The following TMCO1 variants were observed in gnomAD, a reference collection of about 807,000 sequenced individuals.
TMCO1 encodes calcium load-activated calcium channel.
TMCO1 carries 29 observed loss-of-function variants against 29.3 expected under a neutral mutation model. The ratio of observed to expected loss-of-function variants is 0.99; its 90% CI spans 0.74 to 1.35. TMCO1 has a LOEUF of 1.35. Among genes scored for constraint, TMCO1 ranks in the 40% most tolerant of loss-of-function variants. TMCO1 has a pLI of 0.00. For synonymous variants in TMCO1, 80 were observed against 77.1 expected, an observed-to-expected ratio of 1.04 and a Z score of -0.20; for missense variants, 173 against 225.5, an observed-to-expected ratio of 0.77 and a Z score of 1.49.
At chr1:165,759,710 A>T in intron 2 of TMCO1, 126 bp from the exon 3 acceptor site, 1 of 757,046 alleles carries the variant, frequency 1.3e-6, no homozygotes, top group Non-Finnish European at 2.3e-6. Context: ...GATTATGGTC[A>T]TGATTAAGTT....
intron 3 of TMCO1, among the ~76,000 whole-genome samples, chr1:165,756,081 G>A (rs1380045227): frequency 4.6e-5 from 7 of 151,872 alleles, no homozygotes; most frequent in Admixed American, 3.9e-4. Context: ...TAGACTCCTG[G>A]GTCCCACATC....
intron 6 of TMCO1, among the ~76,000 whole-genome samples, chr1:165,741,113 A>C (rs1651577960): frequency 1.3e-5 from 2 of 151,804 alleles, no homozygotes; most frequent in African/African-American, 2.4e-5. Context: ...TAACCAACAT[A>C]CTCTTCTTTC....
chr1:165,747,489 A>G (rs1233225972), intron 5 of TMCO1, among the ~76,000 whole-genome samples: 1 of 152,208 alleles, frequency 6.6e-6, no homozygotes, highest in East Asian at 1.9e-4. Flanking sequence ...ATTTCAGACA[A>G]AACTCAGAAG....
Position 165,726,971 on chromosome 1 carries a change from G to C in TMCO1, c.*1052C>G, listed in dbSNP as rs1259510695. ...ACAATGATTACCTTGAAAATTATGT[G>C]TTTTTTCTCACTGGTAGAATACTCA... On this transcript the variant is annotated 3_prime_UTR_variant, in exon 7 of 7. Coordinates refer to ENST00000367881, the MANE Select transcript of TMCO1 (RefSeq NM_019026.6). The C allele has an allele frequency of 4.4e-6, 2 of 454,018 alleles. No individual in the cohort carries two copies. The highest frequency in any genetic ancestry group is 8.8e-6 in the Non-Finnish European group (2 of 226,754). 28.1% of individuals were successfully genotyped at this position (454,018 alleles called of 1,614,324 possible). A position where few individuals can be genotyped will look rare whatever the true frequency, so the allele number is the denominator to read the frequency against.
intron 6 of TMCO1, among the ~76,000 whole-genome samples, chr1:165,730,973 C>T (rs113328628): frequency 0.013 from 2,036 of 151,892 alleles, 54 homozygotes; most frequent in African/African-American, 0.047. Context: ...GATCTTGGCT[C>T]ACTGCAACCT....
chr1:165,728,260 C>CT lies in TMCO1; in HGVS notation c.469-140dup, dbSNP rs397967679. 0.082 allele frequency: 35,729 copies of CT among 436,994 alleles called. 73 individuals are homozygous for CT. Among genetic ancestry groups the CT allele is most frequent in the South Asian group, 0.098 (4,825 of 49,036 alleles). 27.1% of individuals were successfully genotyped at this position (436,994 alleles called of 1,614,324 possible). Reference sequence around the variant, plus strand: ...ATGACCTGCAATAGGATGATTATCACTTTTTTTTTTTTTTGAGATGGAGTC... The same window carrying CT: ...ATGACCTGCAATAGGATGATTATCACTTTTTTTTTTTTTTTGAGATGGAGTC... On this transcript the variant is annotated intron_variant, in intron 6 of 6. Coordinates refer to ENST00000367881, the MANE Select transcript of TMCO1 (RefSeq NM_019026.6).
chr1:165,768,548 A>T, intron 1 of TMCO1, 134 bp downstream of exon 1: 1 of 1,566,236 alleles, frequency 6.4e-7, no homozygotes, highest in Non-Finnish European at 8.7e-7. Flanking sequence ...CGAGTTGCCC[A>T]GAGATTCCCT....
chr1:165,752,252 A>AC (rs1652023014), intron 4 of TMCO1, 83 bp from the exon 5 acceptor site: 3 of 428,184 alleles, frequency 7.0e-6, no homozygotes, highest in Middle Eastern at 5.9e-4. Context: ...GTTTCATGTC[A>AC]TTTTTTTTTT....
chr1:165,748,554 T>C (rs1290311361), intron 5 of TMCO1, among the ~76,000 whole-genome samples: 1 of 151,930 alleles, frequency 6.6e-6, no homozygotes, highest in Non-Finnish European at 1.5e-5. Context: ...ACAGGACAGA[T>C]ATGGAGTAAT....
chr1:165,754,596 A>T (rs1652121076), intron 3 of TMCO1, among the ~76,000 whole-genome samples: 1 of 152,190 alleles, frequency 6.6e-6, no homozygotes, highest in Non-Finnish European at 1.5e-5. Flanking sequence ...TGTAAGTATA[A>T]CATAATGATT....
In TMCO1 at chr1:165,766,500, A is replaced by T. The variant is rs530629063; in HGVS notation, c.148+1692T>A. ...TCAAGTAAATTGCAGAAGAATGATC[A>T]GTAAGGGCTGGGCACTGTGGTTCAT... On this transcript the variant is annotated intron_variant, in intron 2 of 6. Transcript: ENST00000367881. Among the ~76,000 whole-genome samples, 494 of 152,328 alleles carry T rather than the reference A, an allele frequency of 3.2e-3. 1 individual carries two copies. The highest frequency in any genetic ancestry group is 6.1e-3 in the Non-Finnish European group (414 of 68,022).
At chr1:165,756,227 G>A (rs557648567) in intron 3 of TMCO1, among the ~76,000 whole-genome samples, 2 of 152,158 alleles carry the variant, frequency 1.3e-5, no homozygotes, top group Non-Finnish European at 2.9e-5. Context: ...AAGGACACAA[G>A]CATCTGGAGC....
Position 165,727,048 on chromosome 1 carries a change from C to T in TMCO1, c.*975G>A. On this transcript the variant is annotated 3_prime_UTR_variant, in exon 7 of 7. Coordinates refer to ENST00000367881, the MANE Select transcript of TMCO1 (RefSeq NM_019026.6). Reference sequence around the variant, plus strand: ...GCATATTTATTGATAAGACTCCACACAGGACTCCTAATTCCATAGATTATG... The same window carrying T: ...GCATATTTATTGATAAGACTCCACATAGGACTCCTAATTCCATAGATTATG... 1 of 453,938 alleles carries T rather than the reference C, an allele frequency of 2.2e-6. No homozygotes were observed. Among genetic ancestry groups the T allele is most frequent in the East Asian group, 6.9e-5 (1 of 14,408 alleles). The allele number at this position is 453,938 out of a possible 1,614,324, so 28.1% of individuals were successfully genotyped here.
At chr1:165,744,716 C>T (rs112089557) in intron 5 of TMCO1, among the ~76,000 whole-genome samples, 3,282 of 146,600 alleles carry the variant, frequency 0.022, 130 homozygotes, top group African/African-American at 0.077. Flanking sequence ...CTTGAACCCG[C>T]GAGGCAGAGG....
intron 2 of TMCO1, among the ~76,000 whole-genome samples, chr1:165,764,196 T>C (rs1453832324): frequency 6.6e-6 from 1 of 152,220 alleles, no homozygotes; most frequent in Non-Finnish European, 1.5e-5. Context: ...CCAACTAGCA[T>C]AGGATCATAG....
chr1:165,754,227 C>A lies in TMCO1; in HGVS notation c.255+1G>T. ...CATGAAGTTATAGTTAGGTCTCTTA[C>A]CATTGATAGATCTCTGTTGTTATTC... On this transcript the variant is annotated splice_donor_variant, in intron 4 of 6. Coordinates refer to ENST00000367881, the MANE Select transcript of TMCO1 (RefSeq NM_019026.6). LOFTEE classifies it high-confidence loss of function. 6.2e-7 allele frequency: 1 copy of A among 1,609,598 alleles called. No individual in the cohort carries two copies. The highest frequency in any genetic ancestry group is 8.5e-7 in the Non-Finnish European group (1 of 1,176,306).
downstream of TMCO1, chr1:165,724,661 T>C (rs780991805): frequency 2.6e-5 from 12 of 453,942 alleles, no homozygotes; most frequent in South Asian, 1.1e-4. Flanking sequence ...ACCACAACAA[T>C]TGAAGAAATT....
At chr1:165,766,325 A>G (rs960174671) in intron 2 of TMCO1, among the ~76,000 whole-genome samples, 3 of 152,224 alleles carry the variant, frequency 2.0e-5, no homozygotes, top group Non-Finnish European at 2.9e-5. Flanking sequence ...GGATATATGA[A>G]TCTTGTATTA....
downstream of TMCO1, chr1:165,726,209 G>A (rs1650883542): frequency 4.3e-6 from 3 of 699,626 alleles, no homozygotes; most frequent in Middle Eastern, 7.3e-4. Flanking sequence ...ATGATATGGA[G>A]AAAAGACCAT....
Sources: gnomAD v4.1 joint callset for allele counts (sites outside exome capture counted in the v4.1 genomes callset) on GRCh38, gnomAD v4.1.1 for gene constraint, MANE v1.5 for transcripts, NCBI Gene and HGNC (gene_info 2026-07-23, HGNC 2026-07-21) for gene names.